The following EYS variants were observed in gnomAD, a reference collection of about 807,000 sequenced individuals.
EYS encodes EGF-like photoreceptor maintenance factor.
In EYS, 250 loss-of-function variants were observed where a neutral mutation model predicts 282.1. The ratio of observed to expected loss-of-function variants is 0.89; its 90% CI spans 0.80 to 0.98. EYS has a LOEUF of 0.98. EYS is among the 50% of genes least tolerant of loss of function. The pLI, the probability that EYS is intolerant of heterozygous loss-of-function variation, is 0.00. For missense variants in EYS, 4,016 were observed against 3,709.0 expected (o/e 1.08, Z -2.15); for synonymous variants, 1,355 against 1,282.9 (o/e 1.06, Z -1.20).
chr6:64,721,945 G>T (rs1365162847), intron 22 of EYS, among the ~76,000 whole-genome samples: 4 of 152,116 alleles, frequency 2.6e-5, no homozygotes, highest in African/African-American at 9.7e-5. Flanking sequence ...CCCAGTAAAT[G>T]CAGTCAGTTT....
chr6:64,539,346 G>A (rs996089177), intron 26 of EYS, among the ~76,000 whole-genome samples: 5 of 152,056 alleles, frequency 3.3e-5, no homozygotes, highest in South Asian at 2.1e-4. Flanking sequence ...TAGGAGGATC[G>A]CTTGAGAACA....
At chr6:64,772,722 T>C (rs1272418179) in intron 22 of EYS, among the ~76,000 whole-genome samples, 1 of 151,836 alleles carries the variant, frequency 6.6e-6, no homozygotes, top group Non-Finnish European at 1.5e-5. Flanking sequence ...AGTTCAATGG[T>C]TTTAATTTTT....
At chr6:65,404,775 A>T (rs903241988) in intron 6 of EYS, among the ~76,000 whole-genome samples, 40 of 152,122 alleles carry the variant, frequency 2.6e-4, no homozygotes, top group African/African-American at 9.4e-4. Flanking sequence ...TAATCTCTTA[A>T]GGTTCTTTAA....
chr6:64,686,849 A>ATGTG (rs1770149217), intron 22 of EYS, among the ~76,000 whole-genome samples: 13 of 103,818 alleles, frequency 1.3e-4, no homozygotes, highest in African/African-American at 4.7e-4. Flanking sequence ...GTGTATATAT[A>ATGTG]TATATGTGTA....
intron 12 of EYS, among the ~76,000 whole-genome samples, chr6:65,099,220 T>C (rs1311074212): frequency 1.3e-5 from 2 of 150,698 alleles, no homozygotes; most frequent in African/African-American, 4.8e-5. Flanking sequence ...CTTAGTGCTT[T>C]ATGAATATAC....
At chr6:64,975,944 T>C (rs1163952362) in intron 14 of EYS, among the ~76,000 whole-genome samples, 1 of 151,950 alleles carries the variant, frequency 6.6e-6, no homozygotes, top group Non-Finnish European at 1.5e-5. Flanking sequence ...TAAAACATTT[T>C]ATACTATATT....
intron 21 of EYS, among the ~76,000 whole-genome samples, chr6:64,821,431 A>G (rs1298292816): frequency 1.3e-5 from 2 of 151,570 alleles, no homozygotes; most frequent in Non-Finnish European, 2.9e-5. Context: ...ATTTTCTAAC[A>G]ACAAGAGACA....
intron 36 of EYS, among the ~76,000 whole-genome samples, chr6:63,861,849 C>A (rs1343614715): frequency 6.6e-6 from 1 of 152,196 alleles, no homozygotes; most frequent in Non-Finnish European, 1.5e-5. Flanking sequence ...TTCACTGGTG[C>A]TTTGATCTTG....
intron 26 of EYS, among the ~76,000 whole-genome samples, chr6:64,524,865 A>C (rs1777868897): frequency 1.3e-5 from 2 of 151,688 alleles, no homozygotes; most frequent in South Asian, 4.1e-4. Context: ...AGTGGGCAAA[A>C]CACATAAACA....
At chr6:65,415,517 C>T (rs561237442) in intron 5 of EYS, among the ~76,000 whole-genome samples, 1 of 151,872 alleles carries the variant, frequency 6.6e-6, no homozygotes, top group Non-Finnish European at 1.5e-5. Context: ...ATAATGAATG[C>T]AATAAAGGGG....
At chr6:63,774,362 T>A (rs1770008097) in intron 40 of EYS, among the ~76,000 whole-genome samples, 1 of 151,960 alleles carries the variant, frequency 6.6e-6, no homozygotes, top group South Asian at 2.1e-4. Context: ...AGAGATGGGG[T>A]TTTGCCATGT....
chr6:65,649,900 A>G (rs1349023933), intron 1 of EYS, among the ~76,000 whole-genome samples: 1 of 152,194 alleles, frequency 6.6e-6, no homozygotes, highest in Non-Finnish European at 1.5e-5. Context: ...AGAATGTCAA[A>G]AGAGTTAAAA....
intron 5 of EYS, among the ~76,000 whole-genome samples, chr6:65,443,765 C>T (rs956855823): frequency 8.2e-6 from 1 of 122,064 alleles, no homozygotes; most frequent in African/African-American, 2.9e-5. Context: ...CGTGCATATA[C>T]ACATATATTC....
chr6:65,384,183 C>G (rs1765717723), intron 8 of EYS, among the ~76,000 whole-genome samples: 2 of 151,810 alleles, frequency 1.3e-5, no homozygotes, highest in Admixed American at 6.6e-5. Flanking sequence ...AAAACACCTC[C>G]TAGAACATTT....
intron 2 of EYS, among the ~76,000 whole-genome samples, chr6:65,537,341 T>C (rs1767998103): frequency 6.6e-6 from 1 of 152,152 alleles, no homozygotes; most frequent in Non-Finnish European, 1.5e-5. Context: ...TAACTTAAAG[T>C]ATAATAATAA....
At chr6:65,131,089 C>T (rs1423739396) in intron 12 of EYS, among the ~76,000 whole-genome samples, 1 of 151,486 alleles carries the variant, frequency 6.6e-6, no homozygotes, top group Non-Finnish European at 1.5e-5. Flanking sequence ...CATATACATA[C>T]CCAGTAAATG....
intron 29 of EYS, among the ~76,000 whole-genome samples, chr6:64,383,294 C>T (rs1007092619): frequency 2.0e-5 from 3 of 151,998 alleles, no homozygotes; most frequent in African/African-American, 7.3e-5. Context: ...AAAGTGAGAA[C>T]CTGTCTCAAA....
intron 19 of EYS, among the ~76,000 whole-genome samples, chr6:64,870,066 G>A (rs62417100): frequency 0.092 from 13,979 of 151,506 alleles, 844 homozygotes; most frequent in East Asian, 0.32. Context: ...GAGGGTGAGA[G>A]TAAGAAAACA....
At chr6:65,535,719 T>C (rs1767940017) in intron 2 of EYS, among the ~76,000 whole-genome samples, 1 of 152,166 alleles carries the variant, frequency 6.6e-6, no homozygotes. Context: ...TCAAACTTTT[T>C]GTTCTATTCA....
Sources: allele counts gnomAD v4.1 joint callset (sites outside exome capture counted in the v4.1 genomes callset), GRCh38; gene constraint gnomAD v4.1.1; transcripts MANE v1.5; gene names NCBI Gene and HGNC (gene_info 2026-07-23, HGNC 2026-07-21).